The following SREBF1 variants were observed in gnomAD, a reference collection of about 807,000 sequenced individuals.
SREBF1 encodes the protein sterol regulatory element-binding protein 1.
In SREBF1, 45 loss-of-function variants were observed where a neutral mutation model predicts 100.1. That is an observed-to-expected ratio of 0.45 (90% CI 0.35 to 0.58). The LOEUF (loss-of-function observed/expected upper bound fraction) is 0.58, where lower values mean the gene tolerates loss of function less well. Among genes scored for constraint, SREBF1 ranks in the 20% least tolerant of loss-of-function variants. The pLI, the probability that SREBF1 is intolerant of heterozygous loss-of-function variation, is 0.00. For missense variants in SREBF1, 1,324 were observed against 1,539.4 expected, an observed-to-expected ratio of 0.86 and a Z score of 2.34; for synonymous variants, 657 against 681.8, an observed-to-expected ratio of 0.96 and a Z score of 0.57.
intron 11 of SREBF1, 30 bp from the exon 12 acceptor site, chr17:17,816,058 T>C (rs2033530664): frequency 6.2e-7 from 1 of 1,607,272 alleles, no homozygotes; most frequent in South Asian, 1.1e-5. Flanking sequence ...GCTGTCACAG[T>C]GGACACAGCC....
chr17:17,813,377 C>T lies in SREBF1; in HGVS notation c.3205G>A (p.Gly1069Ser), dbSNP rs2143009723. The T allele has an allele frequency of 1.9e-6, 3 of 1,596,384 alleles. No individual in the cohort carries two copies. The highest frequency in any genetic ancestry group is 2.6e-6 in the Non-Finnish European group (3 of 1,173,116). Residue 1069 changes from glycine (G) to serine (S), a missense_variant, in exon 18 of 19, where the codon GGC (glycine) becomes AGC (serine). Physicochemically the swap from Gly to Ser is moderately conservative, Grantham distance 56 (BLOSUM62 0). Coordinates refer to ENST00000261646, the MANE Select transcript of SREBF1 (RefSeq NM_004176.5). ...RSLRRRAGPG[G>S]KGGAVAELEP... ...GCAGCTGCCCCCTCACCTCCTTTGC[C>T]ACCGGGGCCTGCCCGCCGCCTCAGA...
chr17:17,818,236 G>A (rs766972039), intron 6 of SREBF1, 24 bp downstream of exon 6: 1 of 1,594,528 alleles, frequency 6.3e-7, no homozygotes, highest in East Asian at 2.2e-5. Flanking sequence ...GGCCAGACTG[G>A]AGCTCAATAA....
chr17:17,823,198 C>T lies in SREBF1; in HGVS notation c.92-2677G>A, dbSNP rs576673145. 1.6e-3 allele frequency among the ~76,000 whole-genome samples: 244 copies of T among 152,340 alleles called. 2 individuals carry two copies. Among genetic ancestry groups the T allele is most frequent in the Non-Finnish European group, 2.0e-3 (138 of 68,022 alleles). On this transcript the variant is annotated intron_variant, in intron 1 of 18. Transcript: ENST00000261646. ...TGGCAGAGGGACAACGGGCCCTCCT[C>T]CCTGCTTCCTCCTGGTCCTGTCCCA...
chr17:17,818,570 T>C (rs1164076057), intron 5 of SREBF1, 196 bp from the exon 6 acceptor site: 4 of 618,338 alleles, frequency 6.5e-6, no homozygotes, highest in African/African-American at 5.4e-5. Flanking sequence ...AGGGTTAGAA[T>C]GTAAGATGCA....
intron 6 of SREBF1, 120 bp from the exon 7 acceptor site, chr17:17,818,036 G>T: frequency 1.8e-6 from 2 of 1,140,184 alleles, no homozygotes; most frequent in Non-Finnish European, 2.6e-6. Flanking sequence ...AGGACGCTTT[G>T]ATGGGGCTGG....
intron 1 of SREBF1, among the ~76,000 whole-genome samples, chr17:17,826,985 C>T (rs2034531033): frequency 6.6e-6 from 1 of 152,222 alleles, no homozygotes; most frequent in Admixed American, 6.5e-5. Flanking sequence ...CTACTGTGTG[C>T]CAATCCTGTG....
At chr17:17,823,229 G>GGT in intron 1 of SREBF1, among the ~76,000 whole-genome samples, 1 of 152,294 alleles carries the variant, frequency 6.6e-6, no homozygotes, top group African/African-American at 2.4e-5. Flanking sequence ...TCCCAAAGCG[G>GGT]GTGCAGAGAA....
At chr17:17,825,015 G>C (rs1334889023) in intron 1 of SREBF1, among the ~76,000 whole-genome samples, 2 of 152,168 alleles carry the variant, frequency 1.3e-5, no homozygotes, top group Non-Finnish European at 2.9e-5. Context: ...CTTGGCAAAG[G>C]CTCTGACATG....
In SREBF1 at chr17:17,812,861, C is replaced by T. The variant is rs114978947; in HGVS notation, c.3215-10G>A. The T allele has an allele frequency of 3.6e-3, 5,244 of 1,474,154 alleles. 160 individuals are homozygous for T. The African/African-American group carries it at 0.066, about 19-fold the overall frequency. 91.3% of individuals were successfully genotyped at this position (1,474,154 alleles called of 1,614,324 possible). ...AGCTCCGCCACCGCGCCTGCGCACA[C>T]GAGGATGTGTCAGGGATGGGTCTCA... On this transcript the variant is annotated splice_polypyrimidine_tract_variant and intron_variant, in intron 18 of 18. Coordinates refer to ENST00000261646, the MANE Select transcript of SREBF1 (RefSeq NM_004176.5).
At position 17,812,617 on chromosome 17, in the gene SREBF1, G is replaced by A. The variant is rs531079618; in HGVS notation, c.*5C>T. The A allele has an allele frequency of 5.6e-6, 9 of 1,597,642 alleles. No individual in the cohort carries two copies. Among genetic ancestry groups the A allele is most frequent in the East Asian group, 2.3e-5 (1 of 44,086 alleles). On this transcript the variant is annotated 3_prime_UTR_variant, in exon 19 of 19. Coordinates refer to ENST00000261646, the MANE Select transcript of SREBF1 (RefSeq NM_004176.5). ...ACAGGGGTGCTGAGGCCGGGGACAC[G>A]GGGTCTAGCTGGAAGTGACAGTGGT...
chr17:17,829,374 CCAGTCTG>C (rs1214626562), intron 1 of SREBF1, among the ~76,000 whole-genome samples: 4 of 151,556 alleles, frequency 2.6e-5, no homozygotes, highest in Non-Finnish European at 4.4e-5. Context: ...CTGCCAGGCT[CCAGTCTG>C]GAAAAGATAA....
intron 1 of SREBF1, among the ~76,000 whole-genome samples, chr17:17,832,576 A>G (rs2034924691): frequency 6.6e-6 from 1 of 152,162 alleles, no homozygotes; most frequent in Admixed American, 6.5e-5. Flanking sequence ...CTGACCAGCA[A>G]TTCCCCTCCC....
At position 17,819,569 on chromosome 17, in the gene SREBF1, G is replaced by C; in HGVS notation, c.680C>G (p.Thr227Ser). Residue 227 changes from threonine (T) to serine (S), a missense_variant, in exon 3 of 19, where the codon ACC (threonine) becomes AGC (serine). Thr to Ser is a moderately conservative substitution (Grantham distance 58). Transcript: ENST00000261646. ...TAAPTAAPVT[T>S]TVTSQIQQVP... Reference sequence around the variant, plus strand: ...CTGCTGGATCTGCGAGGTCACAGTGGTCGTTACAGGGGCTGCCGTGGGGGC... The same window carrying C: ...CTGCTGGATCTGCGAGGTCACAGTGCTCGTTACAGGGGCTGCCGTGGGGGC... The C allele has an allele frequency of 6.2e-7, 1 of 1,613,924 alleles. No individual in the cohort carries two copies. The highest frequency in any genetic ancestry group is 1.1e-5 in the South Asian group (1 of 91,074).
In SREBF1 at chr17:17,816,297, A is replaced by T. The variant is rs756054956; in HGVS notation, c.2124T>A (p.Asp708Glu). The T allele has an allele frequency of 6.3e-7, 1 of 1,595,394 alleles. No homozygotes were observed. Among genetic ancestry groups the T allele is most frequent in the East Asian group, 2.3e-5 (1 of 43,958 alleles). The part of the protein sequence containing the change: ...SALNLAECAG[D>E]AVSVATLAEI... ...CGGCCAGCGTCGCCACAGACACGGCATCCCCTGCACACTCTGCCAGGTTCA... is the reference window on the plus strand; with the variant it reads ...CGGCCAGCGTCGCCACAGACACGGCTTCCCCTGCACACTCTGCCAGGTTCA... The change falls in exon 11 of 19, where the codon GAT becomes GAA. Residue 708 changes from aspartate to glutamate, a missense_variant. Transcript: ENST00000261646.
chr17:17,823,612 C>A, intron 1 of SREBF1: 1 of 1,609,964 alleles, frequency 6.2e-7, no homozygotes, highest in South Asian at 1.1e-5. Flanking sequence ...CTTCACCTGT[C>A]AAGGCGCGGC....
At chr17:17,819,516 A>C (rs376568410) in intron 3 of SREBF1, 22 bp downstream of exon 3, 12 of 1,612,956 alleles carry the variant, frequency 7.4e-6, no homozygotes, top group South Asian at 5.5e-5. Flanking sequence ...CCCCTCCCCA[A>C]CCCCTGGCCA....
At chr17:17,835,109 GTGAGAGGGCT>G (rs1318847830) in intron 1 of SREBF1, among the ~76,000 whole-genome samples, 7 of 152,326 alleles carry the variant, frequency 4.6e-5, no homozygotes, top group Admixed American at 2.6e-4. Flanking sequence ...GGTTTAGAGG[GTGAGAGGGCT>G]TGAGCAGGAT....
In SREBF1 at chr17:17,812,814, C is replaced by T; in HGVS notation, c.3252G>A (p.Arg1084=). The part of the protein sequence containing the change: ...VAELEPRPTR[R]EHAEALLLAS... ...CCAGCAGCAAGGCCTCCGCGTGCTC[C>T]CGCCGCGTGGGCCGCGGCTCCAGCT... The change falls in exon 19 of 19, where the codon CGG becomes CGA. Residue 1084 remains arginine (R), a synonymous_variant. Transcript: ENST00000261646. 2 of 1,491,054 alleles carry T rather than the reference C, an allele frequency of 1.3e-6. No individual in the cohort carries two copies. Among genetic ancestry groups the T allele is most frequent in the Non-Finnish European group, 1.8e-6 (2 of 1,125,710 alleles). 92.4% of individuals were successfully genotyped at this position (1,491,054 alleles called of 1,614,324 possible). A position where few individuals can be genotyped will look rare whatever the true frequency, so the allele number is the denominator to read the frequency against.
intron 1 of SREBF1, among the ~76,000 whole-genome samples, chr17:17,829,205 A>AAAAAAAAATATAT: frequency 1.5e-5 from 1 of 65,850 alleles, no homozygotes; most frequent in African/African-American, 8.8e-5. Flanking sequence ...AAAAAAAAAA[A>AAAAAAAAATATAT]ATATATATAT....
Sources: gnomAD v4.1 joint callset for allele counts (sites outside exome capture counted in the v4.1 genomes callset) on GRCh38, gnomAD v4.1.1 for gene constraint, MANE v1.5 for transcripts, NCBI Gene and HGNC (gene_info 2026-07-23, HGNC 2026-07-21) for gene names.